Variants in CDH18 observed in about 807,000 individuals in gnomAD.
CDH18 encodes cadherin-18.
In CDH18, 31 loss-of-function variants were observed where a neutral mutation model predicts 67.9. The ratio of observed to expected loss-of-function variants is 0.46; its 90% CI spans 0.34 to 0.62. The LOEUF is 0.62. Ranked by LOEUF, CDH18 falls within the 20% of genes least tolerant of loss-of-function variation. The pLI is 0.01. For synonymous variants in CDH18, 362 were observed against 347.2 expected (o/e 1.04, Z -0.48); for missense variants, 890 against 975.5 (o/e 0.91, Z 1.17).
At chr5:19,877,555 G>C (rs182690104) in intron 2 of CDH18, among the ~76,000 whole-genome samples, 1 of 152,242 alleles carries the variant, frequency 6.6e-6, no homozygotes, top group East Asian at 1.9e-4. Context: ...AGGGTGTCAT[G>C]TAATTTTTTT....
At chr5:20,503,621 AAT>A in intron 1 of CDH18, among the ~76,000 whole-genome samples, 1 of 152,348 alleles carries the variant, frequency 6.6e-6, no homozygotes, top group African/African-American at 2.4e-5. Context: ...GATGAATAGC[AAT>A]AGATTTGAGA....
chr5:19,559,826 A>G (rs950571704), intron 8 of CDH18, among the ~76,000 whole-genome samples: 1 of 151,834 alleles, frequency 6.6e-6, no homozygotes, highest in Non-Finnish European at 1.5e-5. Flanking sequence ...GGATACAAAA[A>G]TAATGTGCAC....
chr5:19,918,122 T>C (rs574007026), intron 2 of CDH18, among the ~76,000 whole-genome samples: 1 of 152,042 alleles, frequency 6.6e-6, no homozygotes, highest in African/African-American at 2.4e-5. Context: ...CAAAGTGAAT[T>C]TTATGCACTG....
At chr5:19,756,487 T>C (rs1203347102) in intron 3 of CDH18, among the ~76,000 whole-genome samples, 3 of 152,200 alleles carry the variant, frequency 2.0e-5, no homozygotes, top group Non-Finnish European at 2.9e-5. Context: ...AGAGGGGCTG[T>C]TGTAGTTTCC....
At chr5:20,155,035 C>A (rs1268148159) in intron 2 of CDH18, among the ~76,000 whole-genome samples, 1 of 152,078 alleles carries the variant, frequency 6.6e-6, no homozygotes, top group Admixed American at 6.6e-5. Flanking sequence ...ATAAACAGAC[C>A]TTGCAAATGG....
chr5:19,741,285 A>G (rs13189530), intron 4 of CDH18, among the ~76,000 whole-genome samples: 1 of 138,410 alleles, frequency 7.2e-6, no homozygotes, highest in Non-Finnish European at 1.6e-5. Flanking sequence ...ATACGTGTAT[A>G]TATACATACA....
At chr5:19,617,323 G>A (rs1018300843) in intron 5 of CDH18, among the ~76,000 whole-genome samples, 1 of 152,182 alleles carries the variant, frequency 6.6e-6, no homozygotes, top group African/African-American at 2.4e-5. Context: ...CATAGTCCAA[G>A]TAAGAAAGTA....
chr5:20,038,866 A>G (rs1353539827), intron 2 of CDH18, among the ~76,000 whole-genome samples: 1 of 152,180 alleles, frequency 6.6e-6, no homozygotes, highest in African/African-American at 2.4e-5. Context: ...AGAGAAAGAA[A>G]TAACAAGTAT....
intron 10 of CDH18, among the ~76,000 whole-genome samples, chr5:19,505,428 C>T (rs540015700): frequency 2.0e-5 from 3 of 152,202 alleles, no homozygotes; most frequent in Non-Finnish European, 2.9e-5. Context: ...AGTTTTTGCC[C>T]ATTCAGTATG....
chr5:20,511,447 T>A (rs72746847), intron 1 of CDH18, among the ~76,000 whole-genome samples: 25,435 of 152,090 alleles, frequency 0.17, 2,801 homozygotes, highest in East Asian at 0.39. Context: ...TTGCCAGCCA[T>A]TTTTTATAAT....
At chr5:20,337,852 G>A (rs1739918314) in intron 1 of CDH18, among the ~76,000 whole-genome samples, 3 of 152,108 alleles carry the variant, frequency 2.0e-5, no homozygotes, top group Non-Finnish European at 2.9e-5. Context: ...ACCCTAAACT[G>A]GGCAATTTAC....
chr5:19,566,053 A>G (rs913434936), intron 8 of CDH18, among the ~76,000 whole-genome samples: 2 of 152,226 alleles, frequency 1.3e-5, no homozygotes, highest in African/African-American at 2.4e-5. Flanking sequence ...TGAATAAAAA[A>G]TGGGCAAAAT....
intron 1 of CDH18, among the ~76,000 whole-genome samples, chr5:20,334,771 C>A (rs1739567467): frequency 6.6e-6 from 1 of 151,584 alleles, no homozygotes; most frequent in Non-Finnish European, 1.5e-5. Context: ...CACACACACA[C>A]ACACACACAC....
intron 1 of CDH18, among the ~76,000 whole-genome samples, chr5:20,472,115 C>A (rs930930738): frequency 3.9e-5 from 6 of 152,012 alleles, no homozygotes; most frequent in African/African-American, 7.2e-5. Flanking sequence ...TTTCATGTAA[C>A]CTTAAATAAA....
At position 19,748,127 on chromosome 5, in the gene CDH18, AAAAAAAG is replaced by A. The variant is rs1489409132; in HGVS notation, c.229-898_229-892del. On this transcript the variant is annotated intron_variant, in intron 3 of 12. Transcript: ENST00000382275. ...GACTCCATCTCAAAAAAAAAAAAAA[AAAAAAAG>A]AGTACTTTTTTAGGGATAGAGTATT... Among the ~76,000 whole-genome samples, 16 of 144,612 alleles carry A rather than the reference AAAAAAAG, an allele frequency of 1.1e-4. 3 individuals are homozygous for A. In the East Asian group the frequency reaches 1.4e-3, roughly 13 times the overall value. 94.9% of individuals were successfully genotyped at this position (144,612 alleles called of 152,430 possible).
chr5:20,245,445 C>T (rs4866176), intron 2 of CDH18, among the ~76,000 whole-genome samples: 16,253 of 152,002 alleles, frequency 0.11, 1,226 homozygotes, highest in African/African-American at 0.21. Flanking sequence ...AGTTGTGATA[C>T]GAGAGAAGGT....
chr5:19,850,765 A>T (rs1456773525), intron 2 of CDH18, among the ~76,000 whole-genome samples: 2 of 151,924 alleles, frequency 1.3e-5, no homozygotes, highest in African/African-American at 4.8e-5. Context: ...AGATATTAAT[A>T]GAATGATATA....
chr5:20,115,808 G>A (rs888054765), intron 2 of CDH18, among the ~76,000 whole-genome samples: 13 of 152,064 alleles, frequency 8.5e-5, no homozygotes, highest in African/African-American at 2.9e-4. Flanking sequence ...AAAATGTGAT[G>A]CTGCTGAGTA....
intron 1 of CDH18, among the ~76,000 whole-genome samples, chr5:20,260,476 T>C (rs555625760): frequency 1.3e-5 from 2 of 152,198 alleles, no homozygotes; most frequent in South Asian, 4.1e-4. Context: ...GATATTTTGA[T>C]GAGATTCTGG....
Sources: gnomAD v4.1 joint callset for allele counts (sites outside exome capture counted in the v4.1 genomes callset) on GRCh38, gnomAD v4.1.1 for gene constraint, MANE v1.5 for transcripts, NCBI Gene and HGNC (gene_info 2026-07-23, HGNC 2026-07-21) for gene names.